The following GPC5 variants were observed in gnomAD, a reference collection of about 807,000 sequenced individuals.
GPC5 encodes the protein glypican-5.
Under a neutral mutation model 53.9 loss-of-function variants are expected in GPC5, and 47 were observed. That is an observed-to-expected ratio of 0.87 (90% confidence interval 0.69 to 1.11). The LOEUF (loss-of-function observed/expected upper bound fraction) is 1.11, where lower values mean the gene tolerates loss of function less well. GPC5 is among the 50% of genes most tolerant of loss of function. The pLI is 0.00. For missense variants in GPC5, 748 were observed against 713.1 expected (o/e 1.05, Z -0.56); for synonymous variants, 286 against 263.3 (o/e 1.09, Z -0.84).
chr13:92,180,597 A>G (rs557746827), intron 7 of GPC5: 198 of 153,938 alleles, frequency 1.3e-3, no homozygotes, highest in Middle Eastern at 9.9e-3. Context: ...AATGTTTGTG[A>G]TAAAGATCAC....
At position 92,500,440 on chromosome 13, in the gene GPC5, G is replaced by A. The variant is rs536384457; in HGVS notation, c.1561+355451G>A. On this transcript the variant is annotated intron_variant, in intron 7 of 7. Coordinates refer to ENST00000377067, the MANE Select transcript of GPC5 (RefSeq NM_004466.6). ...CAGGAGTAGAGAGCAATCATGCACC[G>A]CAGATGGTCAAAGGTTAGTCTTAGG... is the stretch of plus-strand genomic sequence containing the variant. 9.9e-5 allele frequency among the ~76,000 whole-genome samples: 15 copies of A among 152,210 alleles called. No homozygotes were observed. In the East Asian group the frequency reaches 1.7e-3, roughly 18 times the overall value.
At chr13:92,073,372 T>C (rs1346661520) in intron 6 of GPC5, among the ~76,000 whole-genome samples, 1 of 152,212 alleles carries the variant, frequency 6.6e-6, no homozygotes, top group African/African-American at 2.4e-5. Flanking sequence ...TCTCTCAACT[T>C]TATCCAGGAA....
intron 7 of GPC5, among the ~76,000 whole-genome samples, chr13:92,442,403 A>G (rs527596847): frequency 9.4e-4 from 143 of 152,332 alleles, no homozygotes; most frequent in Non-Finnish European, 1.8e-3. Flanking sequence ...AAAACTTTGC[A>G]GTAAATAGTA....
chr13:92,260,519 C>G (rs1372275935), intron 7 of GPC5, among the ~76,000 whole-genome samples: 1 of 152,198 alleles, frequency 6.6e-6, no homozygotes, highest in Non-Finnish European at 1.5e-5. Context: ...TGAGCTCCCT[C>G]TGTTCAGGTC....
chr13:92,336,080 T>C (rs767095048), intron 7 of GPC5, among the ~76,000 whole-genome samples: 2 of 152,110 alleles, frequency 1.3e-5, no homozygotes, highest in African/African-American at 2.4e-5. Flanking sequence ...CACTGAAAAA[T>C]GTTCATTGGA....
chr13:92,541,249 G>A (rs914959599), intron 7 of GPC5, among the ~76,000 whole-genome samples: 3 of 151,688 alleles, frequency 2.0e-5, no homozygotes, highest in African/African-American at 4.8e-5. Context: ...AATCCCTTGG[G>A]TGTTACTATG....
At chr13:91,858,960 G>C (rs9560870) in intron 5 of GPC5, among the ~76,000 whole-genome samples, 28,621 of 150,342 alleles carry the variant, frequency 0.19, 3,013 homozygotes, top group East Asian at 0.31. Flanking sequence ...CTAATAGCCT[G>C]TAATGATCCT....
At chr13:92,465,792 A>G (rs908019912) in intron 7 of GPC5, among the ~76,000 whole-genome samples, 1 of 152,084 alleles carries the variant, frequency 6.6e-6, no homozygotes, top group Admixed American at 6.6e-5. Context: ...ACATTAGTCC[A>G]ATGACGTTCA....
At chr13:91,799,181 G>A (rs1368767991) in intron 5 of GPC5, among the ~76,000 whole-genome samples, 1 of 152,214 alleles carries the variant, frequency 6.6e-6, no homozygotes, top group Non-Finnish European at 1.5e-5. Flanking sequence ...GTCCTTTGCA[G>A]CAACATGGTT....
At chr13:91,886,994 G>T (rs1313567450) in intron 5 of GPC5, among the ~76,000 whole-genome samples, 1 of 152,178 alleles carries the variant, frequency 6.6e-6, no homozygotes. Flanking sequence ...CCCCAGTAAG[G>T]ATTCTGTGTG....
At chr13:91,445,150 AT>A (rs541365778) in intron 1 of GPC5, among the ~76,000 whole-genome samples, 2 of 152,096 alleles carry the variant, frequency 1.3e-5, no homozygotes, top group Non-Finnish European at 2.9e-5. Flanking sequence ...GCATATCGTT[AT>A]TTTTTCTTTT....
rs190259131 is a variant in GPC5, at chr13:92,442,879, C to T, written c.1561+297890C>T. Among the ~76,000 whole-genome samples the T allele has an allele frequency of 5.3e-4, 81 of 152,286 alleles. 1 individual carries two copies. The highest frequency in any genetic ancestry group is 1.9e-3 in the African/African-American group (77 of 41,576). Reference sequence around the variant, plus strand: ...TTTTTCTCACATTTGTTCCAGATAGCTCTATACCCAGTAGCCACTTGAATA... The same window carrying T: ...TTTTTCTCACATTTGTTCCAGATAGTTCTATACCCAGTAGCCACTTGAATA... On this transcript the variant is annotated intron_variant, in intron 7 of 7. Transcript: ENST00000377067.
chr13:92,207,714 C>T (rs1233314646), intron 7 of GPC5, among the ~76,000 whole-genome samples: 2 of 152,164 alleles, frequency 1.3e-5, no homozygotes, highest in Non-Finnish European at 2.9e-5. Flanking sequence ...AATTCTTTTT[C>T]AAACCATTAC....
intron 2 of GPC5, among the ~76,000 whole-genome samples, chr13:91,689,329 G>A (rs770718933): frequency 6.8e-6 from 1 of 147,838 alleles, no homozygotes; most frequent in Non-Finnish European, 1.5e-5. Flanking sequence ...GTTGCTCTAG[G>A]TAAGTCAGTA....
At chr13:91,424,618 C>G (rs913975157) in intron 1 of GPC5, among the ~76,000 whole-genome samples, 2 of 152,128 alleles carry the variant, frequency 1.3e-5, no homozygotes, top group Non-Finnish European at 2.9e-5. Flanking sequence ...CCACCCGCCT[C>G]GGCCTCCCGA....
At chr13:91,987,808 C>T (rs1429711360) in intron 6 of GPC5, among the ~76,000 whole-genome samples, 1 of 140,862 alleles carries the variant, frequency 7.1e-6, no homozygotes, top group Non-Finnish European at 1.5e-5. Context: ...TGTATAAATA[C>T]CATATATAGT....
intron 7 of GPC5, among the ~76,000 whole-genome samples, chr13:92,427,799 G>T (rs923216330): frequency 5.3e-5 from 8 of 152,118 alleles, no homozygotes; most frequent in African/African-American, 1.7e-4. Context: ...CTCAATTAGT[G>T]ATAGGAATTC....
intron 6 of GPC5, among the ~76,000 whole-genome samples, chr13:92,061,736 G>A (rs977576552): frequency 1.3e-5 from 2 of 151,936 alleles, no homozygotes; most frequent in African/African-American, 4.8e-5. Context: ...TGTCCATGAA[G>A]ATATGTTTGT....
intron 6 of GPC5, among the ~76,000 whole-genome samples, chr13:92,110,702 T>C (rs1360032521): frequency 6.6e-6 from 1 of 152,206 alleles, no homozygotes. Context: ...CAGGGATAAT[T>C]GAAGGATAAG....
Sources: gnomAD v4.1 joint callset for allele counts (sites outside exome capture counted in the v4.1 genomes callset) on GRCh38, gnomAD v4.1.1 for gene constraint, MANE v1.5 for transcripts, NCBI Gene and HGNC (gene_info 2026-07-23, HGNC 2026-07-21) for gene names.